The following SGSM1 variants were observed in gnomAD, a reference collection of about 807,000 sequenced individuals.
SGSM1 encodes the protein RUN and TBC1 domain containing 2.
Under a neutral mutation model 133.8 loss-of-function variants are expected in SGSM1, and 73 were observed. The observed-to-expected ratio is 0.55, with a 90% CI of 0.45 to 0.66. The LOEUF (loss-of-function observed/expected upper bound fraction) is 0.66, where lower values mean the gene tolerates loss of function less well. SGSM1 is among the 30% of genes least tolerant of loss of function. The pLI is 0.00. For synonymous variants in SGSM1, 563 were observed against 573.0 expected (o/e 0.98, Z 0.25); for missense variants, 1,213 against 1,448.1 (o/e 0.84, Z 2.64).
rs139699 is a variant in SGSM1, at chr22:24,858,635, C to CAAAAAAAAAAA, written c.802-1070_802-1060dup. 2.8e-3 allele frequency among the ~76,000 whole-genome samples: 232 copies of CAAAAAAAAAAA among 82,980 alleles called. 2 individuals are homozygous for CAAAAAAAAAAA. Among genetic ancestry groups the CAAAAAAAAAAA allele is most frequent in the African/African-American group, 8.2e-3 (228 of 27,908 alleles). The allele number at this position is 82,980 out of a possible 152,430, so 54.4% of individuals were successfully genotyped here. ...TTGGCAACAGAGCGAGACTCCATCT[C>CAAAAAAAAAAA]AAAAAAAAAAAAAAAAAAAAAGAAG... On this transcript the variant is annotated intron_variant, in intron 8 of 24. Coordinates refer to ENST00000400358, the MANE Select transcript of SGSM1 (RefSeq NM_001098497.3).
chr22:24,849,880 T>C lies in SGSM1; in HGVS notation c.303-400T>C, dbSNP rs150299765. 2.5e-3 allele frequency among the ~76,000 whole-genome samples: 377 copies of C among 152,248 alleles called. 1 individual carries two copies. Among genetic ancestry groups the C allele is most frequent in the Middle Eastern group, 0.01 (3 of 294 alleles). The stretch of plus-strand genomic sequence containing the variant: ...ATCATGGAGTCATAAGCGTTAGTGG[T>C]AAGGAGATTGCTGGAGAGGTGAGTG... On this transcript the variant is annotated intron_variant, in intron 4 of 24. Transcript: ENST00000400358.
intron 23 of SGSM1, among the ~76,000 whole-genome samples, chr22:24,918,471 G>T (rs1362397041): frequency 6.7e-6 from 1 of 148,180 alleles, no homozygotes; most frequent in Non-Finnish European, 1.5e-5. Flanking sequence ...ACTCTAGCCT[G>T]GGTGACAGAG....
chr22:24,881,357 G>A (rs1258299270), intron 14 of SGSM1, among the ~76,000 whole-genome samples: 1 of 146,652 alleles, frequency 6.8e-6, no homozygotes, highest in Non-Finnish European at 1.5e-5. Flanking sequence ...ACGAGGTCAG[G>A]AGATTGAAAC....
chr22:24,845,365 G>T (rs961394319), intron 3 of SGSM1, among the ~76,000 whole-genome samples: 2 of 152,128 alleles, frequency 1.3e-5, no homozygotes, highest in African/African-American at 4.8e-5. Context: ...CATCCTGAAG[G>T]ATCGCGTCCA....
At chr22:24,922,326 G>A (rs1934040124) in intron 24 of SGSM1, among the ~76,000 whole-genome samples, 1 of 151,604 alleles carries the variant, frequency 6.6e-6, no homozygotes, top group Non-Finnish European at 1.5e-5. Flanking sequence ...AACTGCAGGC[G>A]CCCGCCACCA....
intron 8 of SGSM1, among the ~76,000 whole-genome samples, chr22:24,857,274 G>C (rs1036083066): frequency 6.6e-6 from 1 of 151,648 alleles, no homozygotes; most frequent in Non-Finnish European, 1.5e-5. Flanking sequence ...AGCCAGGCAT[G>C]GTGGCATGTG....
At chr22:24,889,631 C>T (rs1476892135) in intron 16 of SGSM1, among the ~76,000 whole-genome samples, 1 of 151,462 alleles carries the variant, frequency 6.6e-6, no homozygotes, top group Non-Finnish European at 1.5e-5. Context: ...TAGGCGTGAG[C>T]CACCGGGCCT....
At chr22:24,915,680 T>C (rs948604803) in intron 22 of SGSM1, among the ~76,000 whole-genome samples, 1 of 152,212 alleles carries the variant, frequency 6.6e-6, no homozygotes, top group Non-Finnish European at 1.5e-5. Context: ...CCTCAAGCAT[T>C]TATCCTTTGT....
intron 2 of SGSM1, among the ~76,000 whole-genome samples, chr22:24,824,684 T>C (rs1369079244): frequency 6.6e-6 from 1 of 152,172 alleles, no homozygotes; most frequent in East Asian, 1.9e-4. Flanking sequence ...TTCTCTCCTT[T>C]ACAGTGGGAG....
intron 2 of SGSM1, among the ~76,000 whole-genome samples, chr22:24,841,134 G>C (rs961263802): frequency 2.0e-5 from 3 of 152,234 alleles, no homozygotes; most frequent in East Asian, 1.9e-4. Context: ...ACAGGCGTGA[G>C]CCACCGTGCC....
rs1287297033 is a variant in SGSM1 at position 24,924,144 on chromosome 22, C to T, written c.3194-42C>T. 1.9e-6 allele frequency: 3 copies of T among 1,583,618 alleles called. No individual in the cohort carries two copies. In the African/African-American group the frequency reaches 4.0e-5, roughly 21 times the overall value. On this transcript the variant is annotated intron_variant, in intron 24 of 24. Transcript: ENST00000400358. ...GCTGGAATTGTACCCTAAGACTGGA[C>T]ACAGAAGGAGGCTCATGAGATTTTT...
In SGSM1 at chr22:24,927,327, A is replaced by G. The variant is rs1373513589; in HGVS notation, c.*3053A>G. On this transcript the variant is annotated 3_prime_UTR_variant, in exon 25 of 25. Coordinates refer to ENST00000400358, the MANE Select transcript of SGSM1 (RefSeq NM_001098497.3). Reference sequence around the variant, plus strand: ...ATAGCAGATCCCAGAAGGTAAGCAGAAACACACACTGTCTCTTGGTCTCAG... The same window carrying G: ...ATAGCAGATCCCAGAAGGTAAGCAGGAACACACACTGTCTCTTGGTCTCAG... 1 of 152,224 alleles carries G rather than the reference A, an allele frequency of 6.6e-6. No homozygotes were observed. Among genetic ancestry groups the G allele is most frequent in the Non-Finnish European group, 1.5e-5 (1 of 68,050 alleles). The allele number at this position is 152,224 out of a possible 1,614,324, so 9.4% of individuals were successfully genotyped here.
In SGSM1 at chr22:24,806,232, C is replaced by T. The variant is rs1927362182; in HGVS notation, c.-94C>T. 1 of 1,296,012 alleles carries T rather than the reference C, an allele frequency of 7.7e-7. No homozygotes were observed. The highest frequency in any genetic ancestry group is 9.7e-7 in the Non-Finnish European group (1 of 1,027,726). 80.3% of individuals were successfully genotyped at this position (1,296,012 alleles called of 1,614,324 possible). A position where few individuals can be genotyped will look rare whatever the true frequency, so the allele number is the denominator to read the frequency against. ...CGTCACTCAGCGCTCGGCCCCGCCC[C>T]GCCGCGGCTGCAGCAGCAGCGCCGC... On this transcript the variant is annotated 5_prime_UTR_variant, in exon 1 of 25. Coordinates refer to ENST00000400358, the MANE Select transcript of SGSM1 (RefSeq NM_001098497.3).
chr22:24,864,393 G>A (rs1931334409), intron 9 of SGSM1, among the ~76,000 whole-genome samples: 1 of 152,172 alleles, frequency 6.6e-6, no homozygotes, highest in Non-Finnish European at 1.5e-5. Context: ...ATTCATAATA[G>A]CCCAAGACTC....
chr22:24,858,560 C>A (rs1462359383), intron 8 of SGSM1, among the ~76,000 whole-genome samples: 1 of 150,136 alleles, frequency 6.7e-6, no homozygotes, highest in Non-Finnish European at 1.5e-5. Context: ...CACCTAAATC[C>A]GGGAAGCAGA....
intron 12 of SGSM1, chr22:24,874,642 T>C: frequency 5.3e-6 from 8 of 1,496,692 alleles, no homozygotes; most frequent in Non-Finnish European, 7.1e-6. Flanking sequence ...CATGTTGTCA[T>C]TTGAGTTCTG....
intron 8 of SGSM1, among the ~76,000 whole-genome samples, chr22:24,857,973 A>ATGTTTTT (rs1263198676): frequency 1.3e-5 from 2 of 151,778 alleles, no homozygotes; most frequent in Admixed American, 6.6e-5. Context: ...CATCTCGGGG[A>ATGTTTTT]TGTTTTTTGT....
chr22:24,842,288 G>T (rs1929850550), intron 2 of SGSM1, among the ~76,000 whole-genome samples: 1 of 152,028 alleles, frequency 6.6e-6, no homozygotes, highest in South Asian at 2.1e-4. Context: ...GACAAACCTG[G>T]GTCCAAACAC....
chr22:24,923,596 G>A lies in SGSM1; in HGVS notation c.3194-590G>A, dbSNP rs116351703. On this transcript the variant is annotated intron_variant, in intron 24 of 24. Coordinates refer to ENST00000400358, the MANE Select transcript of SGSM1 (RefSeq NM_001098497.3). ...TCAGTCATTCTGTTTATAGGAGAGG[G>A]GTGGAAGGACTTCACCTTTTCATTT... Among the ~76,000 whole-genome samples the A allele has an allele frequency of 7.8e-3, 1,186 of 151,736 alleles. 17 individuals are homozygous for A. The highest frequency in any genetic ancestry group is 0.027 in the African/African-American group (1,127 of 41,400).
Sources: gnomAD v4.1 joint callset for allele counts (sites outside exome capture counted in the v4.1 genomes callset) on GRCh38, gnomAD v4.1.1 for gene constraint, MANE v1.5 for transcripts, NCBI Gene and HGNC (gene_info 2026-07-23, HGNC 2026-07-21) for gene names.